Variants in CBX6 observed in about 807,000 individuals in gnomAD.
CBX6 encodes chromobox 6.
Under a neutral mutation model 28.4 loss-of-function variants are expected in CBX6, and 7 were observed. The observed-to-expected ratio is 0.25, with a 90% CI of 0.14 to 0.46. CBX6 has a LOEUF of 0.46. CBX6 is among the 20% of genes least tolerant of loss of function. The pLI, the probability that CBX6 is intolerant of heterozygous loss-of-function variation, is 0.99. For missense variants in CBX6, 512 were observed against 606.1 expected, an observed-to-expected ratio of 0.84 and a Z score of 1.63; for synonymous variants, 297 against 273.4, an observed-to-expected ratio of 1.09 and a Z score of -0.85.
Position 38,866,751 on chromosome 22 carries a change from C to T in CBX6, c.697G>A (p.Ala233Thr), listed in dbSNP as rs757473699. 2 of 1,609,902 alleles carry T rather than the reference C, an allele frequency of 1.2e-6. No homozygotes were observed. The highest frequency in any genetic ancestry group is 2.2e-5 in the South Asian group (2 of 90,806). ...GGGGCGGGCGGAGGCTTGTACAGCG[C>T]AAAGGCGCCGAACTTCATGTGGCGG... is the stretch of plus-strand genomic sequence containing the variant. ...QIRHMKFGAF[A>T]LYKPPPAPLV... Residue 233 changes from alanine (A) to threonine (T), a missense_variant, in exon 5 of 5, where the codon GCG (alanine) becomes ACG (threonine). Coordinates refer to ENST00000407418, the MANE Select transcript of CBX6 (RefSeq NM_014292.5). The surrounding 1 kb of genome is among the most constrained non-coding windows in gnomAD (Gnocchi z 7.5).
Position 38,866,660 on chromosome 22 carries a change from G to A in CBX6, c.788C>T (p.Ala263Val), listed in dbSNP as rs2093170835. Reference sequence around the variant, plus strand: ...GCGGGCGTCGTAGGGGGCGGCGGGGGCGGCCAGAAGTAGCCCAGGGCCCGG... The same window carrying A: ...GCGGGCGTCGTAGGGGGCGGCGGGGACGGCCAGAAGTAGCCCAGGGCCCGG... ...SAPGPGLLLA[A>V]PAAPYDARSS... The change falls in exon 5 of 5, where the codon GCC (alanine) becomes GTC (valine). Residue 263 changes from alanine (A) to valine (V), a missense_variant. Physicochemically the swap from Ala to Val is moderately conservative, Grantham distance 64. Around this residue, in one of 7 missense-constraint regions of CBX6, gnomAD observed 290 missense variants for 274.1 expected, o/e 1.06. Coordinates refer to ENST00000407418, the MANE Select transcript of CBX6 (RefSeq NM_014292.5). The surrounding 1 kb of genome is among the most constrained non-coding windows in gnomAD (Gnocchi z 7.5). 1 of 1,535,594 alleles carries A rather than the reference G, an allele frequency of 6.5e-7. No homozygotes were observed. The highest frequency in any genetic ancestry group is 1.2e-5 in the South Asian group (1 of 80,832).
rs1378415619 is a variant in CBX6 at position 38,872,014 on chromosome 22, C to G, written c.70-69G>C. The G allele has an allele frequency of 4.3e-6, 6 of 1,402,238 alleles. No individual in the cohort carries two copies. Among genetic ancestry groups the G allele is most frequent in the Non-Finnish European group, 5.6e-6 (6 of 1,062,126 alleles). The allele number at this position is 1,402,238 out of a possible 1,614,324, so 86.9% of individuals were successfully genotyped here. On this transcript the variant is annotated intron_variant, in intron 1 of 4. Coordinates refer to ENST00000407418, the MANE Select transcript of CBX6 (RefSeq NM_014292.5). The surrounding 1 kb of genome is among the most constrained non-coding windows in gnomAD (Gnocchi z 5.0). ...ATGCGGGGACGCGAGGAGGCGGCGGCGCGGGGCTGGGCGAGGGAGCCGGGC... is the reference window on the plus strand; with the variant it reads ...ATGCGGGGACGCGAGGAGGCGGCGGGGCGGGGCTGGGCGAGGGAGCCGGGC...
At position 38,865,918 on chromosome 22, in the gene CBX6, G is replaced by GACAT; in HGVS notation, c.*290_*291insATGT. On this transcript the variant is annotated 3_prime_UTR_variant, in exon 5 of 5. Coordinates refer to ENST00000407418, the MANE Select transcript of CBX6 (RefSeq NM_014292.5). Reference sequence around the variant, plus strand: ...CAGGAAGCAAGCTAGAGAGACAGGTGGGATGTGGAAGGGGCAGAGGAACCC... The same window carrying GACAT: ...CAGGAAGCAAGCTAGAGAGACAGGTGACATGGATGTGGAAGGGGCAGAGGAACCC... 2 of 447,840 alleles carry GACAT rather than the reference G, an allele frequency of 4.5e-6. No homozygotes were observed. The highest frequency in any genetic ancestry group is 7.2e-5 in the East Asian group (2 of 27,602). The allele number at this position is 447,840 out of a possible 1,614,324, so 27.7% of individuals were successfully genotyped here.
Position 38,866,468 on chromosome 22 carries a change from CGCTTGCTGGTGGCT to C in CBX6, c.966_979del (p.Ala323GlyfsTer4). 1 of 1,603,594 alleles carries C rather than the reference CGCTTGCTGGTGGCT, an allele frequency of 6.2e-7. No individual in the cohort carries two copies. The highest frequency in any genetic ancestry group is 2.2e-5 in the East Asian group (1 of 44,732). On this transcript the variant is annotated frameshift_variant, in exon 5 of 5. Coordinates refer to ENST00000407418, the MANE Select transcript of CBX6 (RefSeq NM_014292.5). LOFTEE classifies it high-confidence loss of function. This position sits in a 1 kb window ranked among gnomAD's most constrained non-coding sequence, Gnocchi z 7.5. ...AGCAGCTGTGACCTCAGGCGGTGCC[CGCTTGCTGGTGGCT>C]GCCGACTCGGGAGGGAGGGACAGGT...
Position 38,863,893 on chromosome 22 carries a change from A to G in CBX6, c.*2316T>C, listed in dbSNP as rs551516508. On this transcript the variant is annotated 3_prime_UTR_variant, in exon 5 of 5. Coordinates refer to ENST00000407418, the MANE Select transcript of CBX6 (RefSeq NM_014292.5). ...AAGGAACAGAAGGGGGCAAGAAACC[A>G]AACTGCCCACTCACCAGCCCCCTGG... is the stretch of plus-strand genomic sequence containing the variant. The G allele has an allele frequency of 2.0e-5, 3 of 152,370 alleles. No homozygotes were observed. The highest frequency in any genetic ancestry group is 3.9e-4 in the East Asian group (2 of 5,176). 9.4% of individuals were successfully genotyped at this position (152,370 alleles called of 1,614,324 possible). A position where few individuals can be genotyped will look rare whatever the true frequency, so the allele number is the denominator to read the frequency against.
chr22:38,865,905 TAG>T lies in CBX6; in HGVS notation c.*302_*303del, dbSNP rs1381717408. The T allele has an allele frequency of 1.2e-5, 5 of 406,362 alleles. No homozygotes were observed. Among genetic ancestry groups the T allele is most frequent in the African/African-American group, 1.0e-4 (5 of 49,222 alleles). The allele number at this position is 406,362 out of a possible 1,614,324, so 25.2% of individuals were successfully genotyped here. On this transcript the variant is annotated 3_prime_UTR_variant, in exon 5 of 5. Transcript: ENST00000407418. ...CCGCACAGGAGAGCAGGAAGCAAGCTAGAGAGACAGGTGGGATGTGGAAGGGG... is the reference window on the plus strand; with the variant it reads ...CCGCACAGGAGAGCAGGAAGCAAGCTAGAGACAGGTGGGATGTGGAAGGGG...
Position 38,871,360 on chromosome 22 carries a change from C to A in CBX6, c.246+120G>T. 2.1e-6 allele frequency: 2 copies of A among 968,566 alleles called. No homozygotes were observed. Among genetic ancestry groups the A allele is most frequent in the Non-Finnish European group, 3.1e-6 (2 of 643,270 alleles). 60.0% of individuals were successfully genotyped at this position (968,566 alleles called of 1,614,324 possible). A position where few individuals can be genotyped will look rare whatever the true frequency, so the allele number is the denominator to read the frequency against. ...ACAACCACCCCCTGCCCAGCTGGGG[C>A]CCCTCTGAAAAGGCCGGCCCGCTTG... On this transcript the variant is annotated intron_variant, in intron 4 of 4. Transcript: ENST00000407418. This position sits in a 1 kb window ranked among gnomAD's most constrained non-coding sequence, Gnocchi z 5.6.
At chr22:38,867,387 G>A (rs1321999720) in intron 4 of CBX6, among the ~76,000 whole-genome samples, 186 bp from the exon 5 acceptor site, 1 of 152,168 alleles carries the variant, frequency 6.6e-6, no homozygotes, top group Non-Finnish European at 1.5e-5. Flanking sequence ...GAAGCAATTT[G>A]CCTCTGACTC....
intron 4 of CBX6, among the ~76,000 whole-genome samples, chr22:38,868,028 C>A (rs948231953): frequency 1.3e-5 from 2 of 152,236 alleles, no homozygotes; most frequent in African/African-American, 4.8e-5. Context: ...CCCAGGCTCC[C>A]AGGCCTGTCC....
At position 38,871,208 on chromosome 22, in the gene CBX6, T is replaced by A; in HGVS notation, c.246+272A>T. 2 of 544,162 alleles carry A rather than the reference T, an allele frequency of 3.7e-6. No homozygotes were observed. The highest frequency in any genetic ancestry group is 6.5e-6 in the Non-Finnish European group (2 of 307,582). 33.7% of individuals were successfully genotyped at this position (544,162 alleles called of 1,614,324 possible). ...TCCCCCACCTGCCTCAGCCACCCCCTTTCCTGGAGCCCTAAAGGCATCCCC... is the reference window on the plus strand; with the variant it reads ...TCCCCCACCTGCCTCAGCCACCCCCATTCCTGGAGCCCTAAAGGCATCCCC... On this transcript the variant is annotated intron_variant, in intron 4 of 4. Coordinates refer to ENST00000407418, the MANE Select transcript of CBX6 (RefSeq NM_014292.5). The surrounding 1 kb of genome is among the most constrained non-coding windows in gnomAD (Gnocchi z 5.6).
In CBX6 at chr22:38,863,803, C is replaced by T. The variant is rs978465908; in HGVS notation, c.*2406G>A. ...AGAGGTTGTGGGCTTTAGGGTGACC[C>T]GTGGGGAGGGAGGTCTCCCCCATAG... On this transcript the variant is annotated 3_prime_UTR_variant, in exon 5 of 5. Coordinates refer to ENST00000407418, the MANE Select transcript of CBX6 (RefSeq NM_014292.5). 4.6e-5 allele frequency: 7 copies of T among 152,064 alleles called. No homozygotes were observed. The highest frequency in any genetic ancestry group is 7.4e-5 in the Non-Finnish European group (5 of 67,990). 9.4% of individuals were successfully genotyped at this position (152,064 alleles called of 1,614,324 possible).
In CBX6 at chr22:38,865,933, C is replaced by T. The variant is rs972485755; in HGVS notation, c.*276G>A. On this transcript the variant is annotated 3_prime_UTR_variant, in exon 5 of 5. Transcript: ENST00000407418. ...AGAGACAGGTGGGATGTGGAAGGGG[C>T]AGAGGAACCCTAGTTTCTAGGGCTT... 6 of 499,642 alleles carry T rather than the reference C, an allele frequency of 1.2e-5. No homozygotes were observed. Among genetic ancestry groups the T allele is most frequent in the African/African-American group, 1.9e-5 (1 of 51,736 alleles). The allele number at this position is 499,642 out of a possible 1,614,324, so 31.0% of individuals were successfully genotyped here.
Position 38,866,880 on chromosome 22 carries a change from C to A in CBX6, c.568G>T (p.Ala190Ser), listed in dbSNP as rs560229334. 1 of 1,596,408 alleles carries A rather than the reference C, an allele frequency of 6.3e-7. No homozygotes were observed. Among genetic ancestry groups the A allele is most frequent in the Non-Finnish European group, 8.5e-7 (1 of 1,173,148 alleles). ...VIDKGAGGGG[A>S]GQGAGALARP... ...GCCAGCGCCCCGGCCCCCTGCCCGG[C>A]GCCCCCGCCGCCAGCGCCCTTGTCG... is the stretch of plus-strand genomic sequence containing the variant. Residue 190 changes from alanine to serine, a missense_variant, in exon 5 of 5, where the codon GCC becomes TCC. Around this residue, in one of 7 missense-constraint regions of CBX6, gnomAD observed 290 missense variants for 274.1 expected, o/e 1.06. Coordinates refer to ENST00000407418, the MANE Select transcript of CBX6 (RefSeq NM_014292.5). The surrounding 1 kb of genome is among the most constrained non-coding windows in gnomAD (Gnocchi z 7.5).
At position 38,872,048 on chromosome 22, in the gene CBX6, C is replaced by T; in HGVS notation, c.69+74G>A. 1.5e-6 allele frequency: 2 copies of T among 1,293,190 alleles called. No individual in the cohort carries two copies. The highest frequency in any genetic ancestry group is 2.0e-6 in the Non-Finnish European group (2 of 1,011,728). The allele number at this position is 1,293,190 out of a possible 1,614,324, so 80.1% of individuals were successfully genotyped here. On this transcript the variant is annotated intron_variant, in intron 1 of 4. Transcript: ENST00000407418. The surrounding 1 kb of genome is among the most constrained non-coding windows in gnomAD (Gnocchi z 5.0). The stretch of plus-strand genomic sequence containing the variant: ...GGGCGAGGGAGCCGGGCTAGCGGGA[C>T]CGCTTCGCCCCGAGGGCCCCCGGCC...
At chr22:38,868,297 G>A (rs1482339580) in intron 4 of CBX6, among the ~76,000 whole-genome samples, 1 of 152,234 alleles carries the variant, frequency 6.6e-6, no homozygotes, top group East Asian at 1.9e-4. Flanking sequence ...TCACAGGGAG[G>A]ACGGTGGGCA....
chr22:38,869,622 G>C, intron 4 of CBX6: 1 of 152,208 alleles, frequency 6.6e-6, no homozygotes. Flanking sequence ...CTTTGAAAGT[G>C]GGACCTGGGT....
At position 38,866,643 on chromosome 22, in the gene CBX6, C is replaced by T. The variant is rs774723717; in HGVS notation, c.805G>A (p.Asp269Asn). ...LLLAAPAAPY[D>N]ARSSGSSGCP... ...CCGGAGGAGCCAGAGCTGCGGGCGT[C>T]GTAGGGGGCGGCGGGGGCGGCCAGA... is the stretch of plus-strand genomic sequence containing the variant. Residue 269 changes from aspartate to asparagine, a missense_variant, in exon 5 of 5, where the codon GAC becomes AAC. Coordinates refer to ENST00000407418, the MANE Select transcript of CBX6 (RefSeq NM_014292.5). This position sits in a 1 kb window ranked among gnomAD's most constrained non-coding sequence, Gnocchi z 7.5. The T allele has an allele frequency of 7.9e-7, 1 of 1,268,780 alleles. No individual in the cohort carries two copies. Among genetic ancestry groups the T allele is most frequent in the Non-Finnish European group, 1.0e-6 (1 of 987,994 alleles). 78.6% of individuals were successfully genotyped at this position (1,268,780 alleles called of 1,614,324 possible).
At chr22:38,867,241 C>G in intron 4 of CBX6, 40 bp from the exon 5 acceptor site, 1 of 1,511,454 alleles carries the variant, frequency 6.6e-7, no homozygotes, top group Non-Finnish European at 8.8e-7. Context: ...CTCAGGACTG[C>G]CCGCTGACCT....
At position 38,871,436 on chromosome 22, in the gene CBX6, T is replaced by TGG; in HGVS notation, c.246+42_246+43dup. The TGG allele has an allele frequency of 6.4e-7, 1 of 1,563,226 alleles. No homozygotes were observed. Among genetic ancestry groups the TGG allele is most frequent in the Non-Finnish European group, 8.7e-7 (1 of 1,149,574 alleles). On this transcript the variant is annotated intron_variant, in intron 4 of 4. Transcript: ENST00000407418. The surrounding 1 kb of genome is among the most constrained non-coding windows in gnomAD (Gnocchi z 5.6). ...TCCAGGCCCCGTGCTGTGCCGGGGCTGGGGGCCCGAGAGGGGGATGCTGCT... is the reference window on the plus strand; with the variant it reads ...TCCAGGCCCCGTGCTGTGCCGGGGCTGGGGGGGCCCGAGAGGGGGATGCTGCT...
Sources: allele counts gnomAD v4.1 joint callset (sites outside exome capture counted in the v4.1 genomes callset), GRCh38; gene constraint gnomAD v4.1.1; regional missense constraint gnomAD v4.1.1; non-coding constraint Gnocchi (gnomAD v3.1); transcripts MANE v1.5; gene names NCBI Gene and HGNC (gene_info 2026-07-23, HGNC 2026-07-21).